The following FRMPD4 variants were observed in gnomAD, a reference collection of about 807,000 sequenced individuals.
FRMPD4 encodes FERM and PDZ domain-containing protein 4.
FRMPD4 carries 22 observed loss-of-function variants against 94.1 expected under a neutral mutation model. The observed-to-expected ratio is 0.23, with a 90% CI of 0.17 to 0.33. FRMPD4 has a LOEUF of 0.33. Among genes scored for constraint, FRMPD4 ranks in the 10% least tolerant of loss-of-function variants. FRMPD4 has a pLI of 1.00. For synonymous variants in FRMPD4, 631 were observed against 548.6 expected, an observed-to-expected ratio of 1.15 and a Z score of -2.10; for missense variants, 1,111 against 1,339.9, an observed-to-expected ratio of 0.83 and a Z score of 2.67.
At chrX:12,526,651 C>T (rs2058226769) in intron 2 of FRMPD4, among the ~76,000 whole-genome samples, 1 of 112,062 alleles carries the variant, frequency 8.9e-6, no homozygotes, top group South Asian at 3.8e-4. Context: ...GAGCTGTAGC[C>T]ATCTGGTGGT....
intron 2 of FRMPD4, among the ~76,000 whole-genome samples, chrX:12,518,696 T>C (rs1214584770): frequency 9.9e-5 from 11 of 111,609 alleles, no homozygotes; most frequent in Admixed American, 7.6e-4. Flanking sequence ...TCAATGTAGA[T>C]TGGAAGTCCT....
At chrX:12,056,077 C>T (rs758219226) in intron 3 of FRMPD4, among the ~76,000 whole-genome samples, 3 of 111,194 alleles carry the variant, frequency 2.7e-5, no homozygotes, top group African/African-American at 9.8e-5. Context: ...ATTTTTCAAA[C>T]CATTTTATGT....
intron 5 of FRMPD4, among the ~76,000 whole-genome samples, chrX:12,678,088 C>G (rs1042946665): frequency 8.9e-6 from 1 of 111,815 alleles, no homozygotes; most frequent in African/African-American, 3.2e-5. Flanking sequence ...TCATATTGTA[C>G]ATATAATTTT....
At position 12,603,856 on chromosome X, in the gene FRMPD4, C is replaced by T. The variant is rs185237350; in HGVS notation, c.159-5865C>T. On this transcript the variant is annotated intron_variant, in intron 2 of 16. Transcript: ENST00000675598. ...GGGCCAAAAACTGCTTGCCTTGTTA[C>T]AGAGGGTCAAATGATGTTTCATGGG... Among the ~76,000 whole-genome samples the T allele has an allele frequency of 1.3e-3, 143 of 110,238 alleles. 1 individual carries two copies. Among genetic ancestry groups the T allele is most frequent in the Admixed American group, 1.6e-3 (16 of 10,315 alleles).
chrX:12,035,058 T>C (rs772672524), intron 3 of FRMPD4, among the ~76,000 whole-genome samples: 3 of 112,209 alleles, frequency 2.7e-5, no homozygotes, highest in Non-Finnish European at 5.6e-5. Context: ...ATTCTGTTCT[T>C]TTCAGTGTTG....
chrX:12,559,908 GT>G (rs2058635272), intron 2 of FRMPD4, among the ~76,000 whole-genome samples: 1 of 111,185 alleles, frequency 9.0e-6, no homozygotes, highest in Non-Finnish European at 1.9e-5. Context: ...TATGCCCTCT[GT>G]TTTCAGTCCA....
chrX:12,667,327 T>C (rs61031117), intron 4 of FRMPD4, among the ~76,000 whole-genome samples: 17,331 of 111,550 alleles, frequency 0.16, 1,089 homozygotes, highest in East Asian at 0.38. Context: ...CCTACATATC[T>C]TTGTTATTTG....
At chrX:12,665,872 G>C (rs886447340) in intron 4 of FRMPD4, among the ~76,000 whole-genome samples, 3 of 111,190 alleles carry the variant, frequency 2.7e-5, no homozygotes, top group Admixed American at 9.6e-5. Flanking sequence ...TCAACTAATG[G>C]GCAAAATAAC....
chrX:11,849,651 A>G (rs776253375), intron 1 of FRMPD4, among the ~76,000 whole-genome samples: 81 of 108,930 alleles, frequency 7.4e-4, no homozygotes, highest in African/African-American at 2.5e-3. Context: ...TGAGAGTGCC[A>G]AGACAATTCA....
chrX:12,705,131 A>G lies in FRMPD4; in HGVS notation c.1197+646A>G, dbSNP rs184082570. On this transcript the variant is annotated intron_variant, in intron 11 of 16. Coordinates refer to ENST00000675598, the MANE Select transcript of FRMPD4 (RefSeq NM_001368397.1). The stretch of plus-strand genomic sequence containing the variant: ...ATTGACAAACAATGGATTCAATCCT[A>G]CCTTTGGAGGGAAGATAAAATTATT... Among the ~76,000 whole-genome samples, 201 of 112,288 alleles carry G rather than the reference A, an allele frequency of 1.8e-3. 1 individual carries two copies. Among genetic ancestry groups the G allele is most frequent in the African/African-American group, 5.6e-3 (172 of 30,913 alleles).
chrX:11,945,790 C>A (rs1038423542), intron 3 of FRMPD4, among the ~76,000 whole-genome samples: 1 of 111,462 alleles, frequency 9.0e-6, no homozygotes, highest in Non-Finnish European at 1.9e-5. Context: ...AAGACCCACC[C>A]CCATGACCCA....
intron 1 of FRMPD4, among the ~76,000 whole-genome samples, chrX:12,369,265 CTTTAATAG>C (rs956096211): frequency 9.9e-6 from 1 of 100,770 alleles, no homozygotes; most frequent in Non-Finnish European, 2.0e-5. Flanking sequence ...TTTGAGAATT[CTTTAATAG>C]TTTATGACAC....
At chrX:12,129,020 A>T (rs2055524559) in intron 3 of FRMPD4, among the ~76,000 whole-genome samples, 1 of 111,875 alleles carries the variant, frequency 8.9e-6, no homozygotes, top group Non-Finnish European at 1.9e-5. Context: ...AGTCTCTAGG[A>T]AGTTCCAAAC....
chrX:12,130,102 A>AAGAG (rs10533802), intron 3 of FRMPD4, among the ~76,000 whole-genome samples: 3,914 of 92,639 alleles, frequency 0.042, 86 homozygotes, highest in African/African-American at 0.047. Flanking sequence ...GAGCCAGCGG[A>AAGAG]AGAGAGAGAG....
At chrX:11,885,183 A>G (rs1275338441) in intron 3 of FRMPD4, among the ~76,000 whole-genome samples, 1 of 112,236 alleles carries the variant, frequency 8.9e-6, no homozygotes, top group Non-Finnish European at 1.9e-5. Flanking sequence ...ATACAATGGA[A>G]TATTATTCAG....
intron 3 of FRMPD4, among the ~76,000 whole-genome samples, chrX:12,018,536 C>A (rs1425611895): frequency 9.0e-6 from 1 of 110,823 alleles, no homozygotes; most frequent in Non-Finnish European, 1.9e-5. Flanking sequence ...CTGCCTCAGT[C>A]TCCCAAGTAG....
chrX:12,373,735 A>G (rs1005472081), intron 1 of FRMPD4, among the ~76,000 whole-genome samples: 2 of 112,596 alleles, frequency 1.8e-5, no homozygotes, highest in Admixed American at 1.9e-4. Flanking sequence ...TATTGTAAAA[A>G]TGATCCAATT....
chrX:12,440,516 T>C (rs2057123206), intron 1 of FRMPD4, among the ~76,000 whole-genome samples: 1 of 111,613 alleles, frequency 9.0e-6, no homozygotes, highest in South Asian at 3.7e-4. Context: ...CAGATATGTC[T>C]CAGCCAGAGG....
intron 1 of FRMPD4, among the ~76,000 whole-genome samples, chrX:12,175,993 C>T (rs2056290265): frequency 8.9e-6 from 1 of 112,111 alleles, no homozygotes; most frequent in African/African-American, 3.2e-5. Flanking sequence ...TAATAGTTGA[C>T]TCCCTAGAAA....
Sources: allele counts gnomAD v4.1 joint callset (sites outside exome capture counted in the v4.1 genomes callset), GRCh38; gene constraint gnomAD v4.1.1; transcripts MANE v1.5; gene names NCBI Gene and HGNC (gene_info 2026-07-23, HGNC 2026-07-21).